The following DNAH5 variants were observed in gnomAD, a reference collection of about 807,000 sequenced individuals.
DNAH5 encodes the protein axonemal beta dynein heavy chain 5.
A neutral mutation model predicts 518.2 loss-of-function variants in DNAH5; 372 were observed. The observed-to-expected ratio is 0.72, with a 90% CI of 0.66 to 0.78. The LOEUF is 0.78. Ranked by LOEUF, DNAH5 falls within the 30% of genes least tolerant of loss-of-function variation. The probability of loss-of-function intolerance (pLI) is 0.00; values close to 1 mark genes in which losing one functional copy is unlikely to be tolerated. For missense variants in DNAH5, 5,523 were observed against 5,687.0 expected, an observed-to-expected ratio of 0.97 and a Z score of 0.93; for synonymous variants, 2,039 against 2,025.9, an observed-to-expected ratio of 1.01 and a Z score of -0.17.
chr5:13,890,453 C>T (rs1023003932), intron 17 of DNAH5, among the ~76,000 whole-genome samples: 2 of 151,474 alleles, frequency 1.3e-5, no homozygotes, highest in African/African-American at 4.9e-5. Context: ...GGGCCTTTAT[C>T]TTAACATGTT....
In DNAH5 at chr5:13,867,779, CAT is replaced by C; in HGVS notation, c.4046_4047del (p.Tyr1349Ter). On this transcript the variant is annotated frameshift_variant, in exon 25 of 79. Coordinates refer to ENST00000265104, the MANE Select transcript of DNAH5 (RefSeq NM_001369.3). LOFTEE classifies it high-confidence loss of function. Reference sequence around the variant, plus strand: ...AGAGAAAGCCAGAGACATACCAAATCATAGTCCAGATAAAACTGGTGACAATC... The same window carrying C: ...AGAGAAAGCCAGAGACATACCAAATCAGTCCAGATAAAACTGGTGACAATC... The part of the protein sequence containing the change: ...LQDCHQFYLD[Y>X]DLNGPMASGL... The C allele has an allele frequency of 6.2e-7, 1 of 1,613,136 alleles. No individual in the cohort carries two copies. Among genetic ancestry groups the C allele is most frequent in the East Asian group, 2.2e-5 (1 of 44,874 alleles).
intron 1 of DNAH5, among the ~76,000 whole-genome samples, chr5:14,005,976 T>A (rs1784697390): frequency 6.6e-6 from 1 of 152,132 alleles, no homozygotes; most frequent in South Asian, 2.1e-4. Context: ...GCTTATTCCA[T>A]TCCTCAAGTC....
At chr5:13,873,015 A>G (rs919602216) in intron 22 of DNAH5, among the ~76,000 whole-genome samples, 2 of 152,210 alleles carry the variant, frequency 1.3e-5, no homozygotes, top group Admixed American at 1.3e-4. Flanking sequence ...TACAATGTAC[A>G]TTATTTGGGT....
intron 35 of DNAH5, among the ~76,000 whole-genome samples, chr5:13,832,322 C>T (rs1763783967): frequency 6.6e-6 from 1 of 152,186 alleles, no homozygotes; most frequent in African/African-American, 2.4e-5. Context: ...ATCCTATTTA[C>T]ATGAAAAGCA....
intron 35 of DNAH5, among the ~76,000 whole-genome samples, chr5:13,833,770 C>T (rs1764005374): frequency 6.6e-6 from 1 of 152,222 alleles, no homozygotes; most frequent in South Asian, 2.1e-4. Context: ...CTTCTGCCTT[C>T]TGCTTAAGTG....
intron 1 of DNAH5, among the ~76,000 whole-genome samples, chr5:13,955,431 A>C (rs1780698232): frequency 6.6e-6 from 1 of 152,226 alleles, no homozygotes; most frequent in African/African-American, 2.4e-5. Context: ...CAGCATCCTC[A>C]GTGGGTTTCA....
chr5:13,742,459 A>C (rs1748705694), intron 65 of DNAH5, among the ~76,000 whole-genome samples: 1 of 152,134 alleles, frequency 6.6e-6, no homozygotes, highest in African/African-American at 2.4e-5. Flanking sequence ...AAAAATTCTC[A>C]ATATAGTTGG....
intron 34 of DNAH5, 30 bp from the exon 35 acceptor site, chr5:13,839,558 C>T: frequency 6.4e-7 from 1 of 1,573,898 alleles, no homozygotes; most frequent in Non-Finnish European, 8.7e-7. Flanking sequence ...TGTTAGAGCT[C>T]TGATGAGAAT....
At position 13,842,433 on chromosome 5, in the gene DNAH5, A is replaced by AG. The variant is rs1561407131; in HGVS notation, c.5272-530_5272-529insC. The stretch of plus-strand genomic sequence containing the variant: ...GAAAGAAAAGAAAAGAAAAGAAAGA[A>AG]AGAAAGAAAGAAAGAAAGAAAGAAA... On this transcript the variant is annotated intron_variant, in intron 32 of 78. Coordinates refer to ENST00000265104, the MANE Select transcript of DNAH5 (RefSeq NM_001369.3). Among the ~76,000 whole-genome samples the AG allele has an allele frequency of 2.4e-3, 147 of 61,930 alleles. 2 individuals carry two copies. Among genetic ancestry groups the AG allele is most frequent in the Non-Finnish European group, 3.7e-3 (109 of 29,784 alleles). 40.6% of individuals were successfully genotyped at this position (61,930 alleles called of 152,430 possible). A position where few individuals can be genotyped will look rare whatever the true frequency, so the allele number is the denominator to read the frequency against.
intron 68 of DNAH5, among the ~76,000 whole-genome samples, chr5:13,732,354 G>A (rs992622647): frequency 6.6e-6 from 1 of 152,084 alleles, no homozygotes; most frequent in Non-Finnish European, 1.5e-5. Flanking sequence ...TAGTGCAGGA[G>A]CTGGGGTCTC....
intron 55 of DNAH5, 123 bp from the exon 56 acceptor site, chr5:13,771,103 T>C: frequency 1.2e-6 from 1 of 828,928 alleles, no homozygotes; most frequent in South Asian, 1.6e-5. Context: ...TAGCCCCAGC[T>C]AGGTAGATCT....
intron 78 of DNAH5, among the ~76,000 whole-genome samples, chr5:13,698,536 T>A (rs186595980): frequency 6.6e-5 from 10 of 152,302 alleles, no homozygotes; most frequent in Admixed American, 4.6e-4. Flanking sequence ...ATCTTTTTAA[T>A]ATATATGGTT....
At chr5:13,787,795 A>G (rs1038062829) in intron 51 of DNAH5, among the ~76,000 whole-genome samples, 3 of 152,182 alleles carry the variant, frequency 2.0e-5, no homozygotes, top group Non-Finnish European at 2.9e-5. Context: ...GATCATTCCA[A>G]TTGCATCTCC....
At chr5:13,769,352 G>GGA (rs1561211436) in intron 57 of DNAH5, 149 bp downstream of exon 57, 1 of 901,506 alleles carries the variant, frequency 1.1e-6, no homozygotes, top group East Asian at 2.6e-5. Flanking sequence ...CACTTACCCA[G>GGA]TTTTTTATAC....
At chr5:13,755,049 G>A (rs1475329946) in intron 61 of DNAH5, among the ~76,000 whole-genome samples, 1 of 152,012 alleles carries the variant, frequency 6.6e-6, no homozygotes, top group Non-Finnish European at 1.5e-5. Context: ...GGCTAAGGCA[G>A]GAGAATCACT....
rs530294400 is a variant in DNAH5 at position 13,754,089 on chromosome 5, A to C, written c.10555+114T>G. Reference sequence around the variant, plus strand: ...CATGCGCACAATGTGCGGGTTTGTTACATATGTATACATGCGCCATGTTGG... The same window carrying C: ...CATGCGCACAATGTGCGGGTTTGTTCCATATGTATACATGCGCCATGTTGG... On this transcript the variant is annotated intron_variant, in intron 62 of 78. Coordinates refer to ENST00000265104, the MANE Select transcript of DNAH5 (RefSeq NM_001369.3). The C allele has an allele frequency of 3.2e-4, 396 of 1,233,952 alleles. 1 individual carries two copies. The highest frequency in any genetic ancestry group is 5.7e-4 in the South Asian group (46 of 81,356). The allele number at this position is 1,233,952 out of a possible 1,614,324, so 76.4% of individuals were successfully genotyped here. A position where few individuals can be genotyped will look rare whatever the true frequency, so the allele number is the denominator to read the frequency against.
intron 76 of DNAH5, 88 bp downstream of exon 76, chr5:13,708,034 TA>T: frequency 7.1e-7 from 1 of 1,418,376 alleles, no homozygotes; most frequent in Non-Finnish European, 1.0e-6. Context: ...TCATGTTGAG[TA>T]AATTATCCTT....
At chr5:13,984,929 T>C (rs1381297758) in intron 1 of DNAH5, among the ~76,000 whole-genome samples, 2 of 152,184 alleles carry the variant, frequency 1.3e-5, no homozygotes, top group East Asian at 3.9e-4. Context: ...CATTACTGGG[T>C]ATATACACAA....
upstream of DNAH5, among the ~76,000 whole-genome samples, chr5:13,946,727 G>T (rs919195754): frequency 1.3e-5 from 2 of 152,204 alleles, no homozygotes; most frequent in African/African-American, 4.8e-5. Flanking sequence ...AATCCTGTCA[G>T]ACATAATGGG....
Sources: allele counts gnomAD v4.1 joint callset (sites outside exome capture counted in the v4.1 genomes callset), GRCh38; gene constraint gnomAD v4.1.1; transcripts MANE v1.5; gene names NCBI Gene and HGNC (gene_info 2026-07-23, HGNC 2026-07-21).